Variants in IL16 observed in about 807,000 individuals in gnomAD.
IL16 encodes pro-interleukin-16.
IL16 carries 67 observed loss-of-function variants against 110.1 expected under a neutral mutation model. The ratio of observed to expected loss-of-function variants is 0.61; its 90% confidence interval spans 0.50 to 0.75. IL16 has a LOEUF of 0.75. Among genes scored for constraint, IL16 ranks in the 30% least tolerant of loss-of-function variants. The pLI, the probability that IL16 is intolerant of heterozygous loss-of-function variation, is 0.00. For missense variants in IL16, 1,545 were observed against 1,655.0 expected, an observed-to-expected ratio of 0.93 and a Z score of 1.15; for synonymous variants, 689 against 662.9, an observed-to-expected ratio of 1.04 and a Z score of -0.61.
rs145371892 is a variant in IL16 at position 81,300,564 on chromosome 15, A to T, written c.3149+89A>T. 139 of 798,112 alleles carry T rather than the reference A, an allele frequency of 1.7e-4. 2 individuals are homozygous for T. The East Asian group carries it at 2.7e-3, about 15-fold the overall frequency. The allele number at this position is 798,112 out of a possible 1,614,324, so 49.4% of individuals were successfully genotyped here. On this transcript the variant is annotated intron_variant, in intron 14 of 18. Coordinates refer to ENST00000683961, the MANE Select transcript of IL16 (RefSeq NM_172217.5). ...TTAAAAATAATCCTATATATAATTT[A>T]AAAAATTCCCAGATATATTGATTAA...
chr15:81,251,154 C>A (rs4344696), intron 2 of IL16, among the ~76,000 whole-genome samples: 63,576 of 151,832 alleles, frequency 0.42, 15,186 homozygotes, highest in African/African-American at 0.67. Flanking sequence ...CCCATGCAAC[C>A]TTTCTACTTG....
chr15:81,258,279 G>C (rs1898020528), intron 2 of IL16, among the ~76,000 whole-genome samples: 1 of 151,960 alleles, frequency 6.6e-6, no homozygotes. Flanking sequence ...AGATGAGGGA[G>C]AGTCATGTTT....
intron 14 of IL16, among the ~76,000 whole-genome samples, chr15:81,300,846 G>A (rs1317495881): frequency 6.6e-6 from 1 of 152,162 alleles, no homozygotes; most frequent in African/African-American, 2.4e-5. Flanking sequence ...CCAGAATGAG[G>A]CCAGGAAATT....
chr15:81,261,355 T>TGGCTCCCTGGCATCCCCAG (rs754278711), intron 3 of IL16, among the ~76,000 whole-genome samples: 6 of 152,184 alleles, frequency 3.9e-5, no homozygotes, highest in African/African-American at 9.6e-5. Context: ...CAGAGCTCCC[T>TGGCTCCCTGGCATCCCCAG]GGCTCCCTGG....
chr15:81,284,609 G>A (rs956693394), intron 9 of IL16, among the ~76,000 whole-genome samples: 1 of 152,174 alleles, frequency 6.6e-6, no homozygotes. Flanking sequence ...GGAAGCAAGG[G>A]TGAAGGAGGA....
At position 81,296,875 on chromosome 15, in the gene IL16, C is replaced by T. The variant is rs924045543; in HGVS notation, c.1903-53C>T. On this transcript the variant is annotated intron_variant, in intron 12 of 18. Coordinates refer to ENST00000683961, the MANE Select transcript of IL16 (RefSeq NM_172217.5). Reference sequence around the variant, plus strand: ...CCAATCAAAGCGTGTCTCGCCTTCTCACAGCTTGAGGCTACCGTTTTGACA... The same window carrying T: ...CCAATCAAAGCGTGTCTCGCCTTCTTACAGCTTGAGGCTACCGTTTTGACA... 3.1e-5 allele frequency: 47 copies of T among 1,511,352 alleles called. No individual in the cohort carries two copies. The South Asian group carries it at 3.9e-4, about 12-fold the overall frequency. 93.6% of individuals were successfully genotyped at this position (1,511,352 alleles called of 1,614,324 possible).
intron 1 of IL16, among the ~76,000 whole-genome samples, chr15:81,186,225 C>T (rs536968820): frequency 1.3e-5 from 2 of 152,350 alleles, no homozygotes; most frequent in South Asian, 4.1e-4. Flanking sequence ...AGCACTGACT[C>T]ATTTGATCTT....
chr15:81,231,383 C>CCT (rs1896981512), intron 2 of IL16, among the ~76,000 whole-genome samples: 1 of 42,634 alleles, frequency 2.3e-5, no homozygotes, highest in Non-Finnish European at 5.2e-5. Context: ...TCTCTCTCTC[C>CCT]CTCTCTTAAG....
intron 13 of IL16, chr15:81,299,171 G>T (rs1171859878): frequency 3.9e-6 from 3 of 766,144 alleles, no homozygotes; most frequent in Non-Finnish European, 6.8e-6. Flanking sequence ...GATACTGTGA[G>T]ATTAACTCCT....
chr15:81,288,098 C>A (rs1309508768), intron 10 of IL16, among the ~76,000 whole-genome samples: 1 of 152,138 alleles, frequency 6.6e-6, no homozygotes, highest in Non-Finnish European at 1.5e-5. Context: ...AGCTGGAGTT[C>A]CAGCTGCTCA....
Position 81,205,994 on chromosome 15 carries a change from C to A in IL16, c.-102+8842C>A, listed in dbSNP as rs1007685575. Among the ~76,000 whole-genome samples the A allele has an allele frequency of 2.6e-5, 4 of 152,158 alleles. No homozygotes were observed. In the South Asian group the frequency reaches 8.3e-4, roughly 32 times the overall value. On this transcript the variant is annotated intron_variant, in intron 1 of 18. Coordinates refer to ENST00000683961, the MANE Select transcript of IL16 (RefSeq NM_172217.5). ...CAGAAAACTTTGGGTAAACATAAAG[C>A]GTCGAAATATGTAAAACAAAAAAAT...
At chr15:81,212,007 G>T (rs1896261971) in intron 1 of IL16, among the ~76,000 whole-genome samples, 1 of 152,090 alleles carries the variant, frequency 6.6e-6, no homozygotes, top group Non-Finnish European at 1.5e-5. Flanking sequence ...ACTGATTGTG[G>T]CTTCATAGGA....
chr15:81,296,114 C>A (rs1397070884), intron 12 of IL16, among the ~76,000 whole-genome samples: 1 of 152,182 alleles, frequency 6.6e-6, no homozygotes. Flanking sequence ...GCCTCTCTGC[C>A]TGCAAAATTC....
intron 18 of IL16, among the ~76,000 whole-genome samples, chr15:81,307,762 T>G (rs1178618091): frequency 6.6e-6 from 1 of 152,204 alleles, no homozygotes; most frequent in African/African-American, 2.4e-5. Flanking sequence ...CCAGAAAGTC[T>G]GGGTTCCAGC....
In IL16 at chr15:81,303,169, T is replaced by C. The variant is rs550390448; in HGVS notation, c.3319-380T>C. On this transcript the variant is annotated intron_variant, in intron 15 of 18. Transcript: ENST00000683961. This position sits in a 1 kb window ranked among gnomAD's most constrained non-coding sequence, Gnocchi z 4.1. ...ATTCCTGCAGAACAGCACTGACCCC[T>C]GTTTTGTTTTTTGTTGTTTTTTTTT... 3.4e-3 allele frequency: 594 copies of C among 174,528 alleles called. 3 individuals carry two copies. Among genetic ancestry groups the C allele is most frequent in the Non-Finnish European group, 4.4e-3 (377 of 85,158 alleles). The allele number at this position is 174,528 out of a possible 1,614,324, so 10.8% of individuals were successfully genotyped here. A position where few individuals can be genotyped will look rare whatever the true frequency, so the allele number is the denominator to read the frequency against.
rs756541779 is a variant in IL16, at chr15:81,225,742, C to T, written c.312+31C>T. On this transcript the variant is annotated intron_variant, in intron 2 of 18. Transcript: ENST00000683961. ...CCCAGGCTTTGCAGGCCTGAACTAGCCTGCAGTTGGTTTCTGGTGCTGTGA... is the reference window on the plus strand; with the variant it reads ...CCCAGGCTTTGCAGGCCTGAACTAGTCTGCAGTTGGTTTCTGGTGCTGTGA... The T allele has an allele frequency of 8.5e-6, 13 of 1,525,480 alleles. No individual in the cohort carries two copies. The African/African-American group carries it at 1.4e-4, about 16-fold the overall frequency. The allele number at this position is 1,525,480 out of a possible 1,614,324, so 94.5% of individuals were successfully genotyped here.
chr15:81,212,713 C>T (rs1320247169), intron 1 of IL16, among the ~76,000 whole-genome samples: 1 of 152,166 alleles, frequency 6.6e-6, no homozygotes, highest in African/African-American at 2.4e-5. Context: ...CTCAAGTGAT[C>T]TGCCTGCCTC....
chr15:81,302,630 A>C (rs1900344886), intron 15 of IL16, among the ~76,000 whole-genome samples: 1 of 152,194 alleles, frequency 6.6e-6, no homozygotes, highest in Non-Finnish European at 1.5e-5. Flanking sequence ...GAGCAAGTGA[A>C]TTCTTTGACA....
At chr15:81,282,852 A>G (rs899734466) in intron 9 of IL16, 96 bp downstream of exon 9, 6 of 1,000,484 alleles carry the variant, frequency 6.0e-6, no homozygotes, top group Non-Finnish European at 9.4e-6. Context: ...CATGAGCTAT[A>G]AAGAATGATC....
Sources: allele counts gnomAD v4.1 joint callset (sites outside exome capture counted in the v4.1 genomes callset), GRCh38; gene constraint gnomAD v4.1.1; non-coding constraint Gnocchi (gnomAD v3.1); transcripts MANE v1.5; gene names NCBI Gene and HGNC (gene_info 2026-07-23, HGNC 2026-07-21).